RPS6KA2: variants seen among roughly 807,000 people sequenced by gnomAD.
The protein encoded by RPS6KA2 is ribosomal protein S6 kinase A2.
In RPS6KA2, 42 loss-of-function variants were observed where a neutral mutation model predicts 91.8. The ratio of observed to expected loss-of-function variants is 0.46; its 90% CI spans 0.36 to 0.59. RPS6KA2 has a LOEUF of 0.59. Ranked by LOEUF, RPS6KA2 falls within the 20% of genes least tolerant of loss-of-function variation. The pLI is 0.00. For missense variants in RPS6KA2, 798 were observed against 978.5 expected, an observed-to-expected ratio of 0.82 and a Z score of 2.46; for synonymous variants, 414 against 393.6, an observed-to-expected ratio of 1.05 and a Z score of -0.61.
chr6:166,517,637 G>A lies in RPS6KA2; in HGVS notation c.299-7280C>T, dbSNP rs954312116. ...ACTACAGGCGCCCGCCACCGCGCCC[G>A]GCTAATTTTTTGTATTTTTAGTAGA... On this transcript the variant is annotated intron_variant, in intron 3 of 20. Coordinates refer to ENST00000265678, the MANE Select transcript of RPS6KA2 (RefSeq NM_021135.6). Among the ~76,000 whole-genome samples the A allele has an allele frequency of 4.5e-4, 68 of 151,262 alleles. 1 individual carries two copies. Among genetic ancestry groups the A allele is most frequent in the Middle Eastern group, 3.4e-3 (1 of 294 alleles).
At chr6:166,527,215 C>T (rs1316269675) in intron 3 of RPS6KA2, among the ~76,000 whole-genome samples, 1 of 152,226 alleles carries the variant, frequency 6.6e-6, no homozygotes, top group African/African-American at 2.4e-5. Context: ...CAGATTCCAG[C>T]TGCATTCCCA....
Position 166,490,699 on chromosome 6 carries a change from T to C in RPS6KA2, c.790A>G (p.Arg264Gly). The change falls in exon 9 of 21, where the codon AGG (arginine) becomes GGG (glycine). Residue 264 changes from arginine to glycine, a missense_variant. Physicochemically the swap from Arg to Gly is moderately radical, Grantham distance 125. Transcript: ENST00000265678. The surrounding 1 kb of genome is among the most constrained non-coding windows in gnomAD (Gnocchi z 4.2). Reference sequence around the variant, plus strand: ...AGGATGAGAGCCATGGTCTCCTTCCTGTCCTTCCCCTGGAACGGCAGGGAC... The same window carrying C: ...AGGATGAGAGCCATGGTCTCCTTCCCGTCCTTCCCCTGGAACGGCAGGGAC... ...TGSLPFQGKD[R>G]KETMALILKA... The C allele has an allele frequency of 6.2e-7, 1 of 1,612,832 alleles. No homozygotes were observed. The highest frequency in any genetic ancestry group is 8.5e-7 in the Non-Finnish European group (1 of 1,179,392).
intron 2 of RPS6KA2, among the ~76,000 whole-genome samples, chr6:166,697,218 T>TA (rs5881713): frequency 2.0e-5 from 3 of 151,706 alleles, no homozygotes; most frequent in Admixed American, 6.6e-5. Flanking sequence ...AAGGTAAAGT[T>TA]AAAAAAAAGA....
At chr6:166,855,445 GA>G (rs879574577) in intron 2 of RPS6KA2, among the ~76,000 whole-genome samples, 3,168 of 89,142 alleles carry the variant, frequency 0.036, 239 homozygotes, top group East Asian at 0.32. Flanking sequence ...AGAGGAAGAA[GA>G]AGAGGAAGAA....
Position 166,736,385 on chromosome 6 carries a change from A to T in RPS6KA2, c.123+121815T>A, listed in dbSNP as rs143261094. ...CGTAACTGTGTGTTGCCTGAAGACTATTCTCAGGTGATTTTCACATTAACC... is the reference window on the plus strand; with the variant it reads ...CGTAACTGTGTGTTGCCTGAAGACTTTTCTCAGGTGATTTTCACATTAACC... On this transcript the variant is annotated intron_variant, in intron 2 of 21. Transcript: ENST00000503859. Among the ~76,000 whole-genome samples the T allele has an allele frequency of 8.5e-5, 13 of 152,280 alleles. No homozygotes were observed. In the East Asian group the frequency reaches 2.5e-3, roughly 29 times the overall value.
At chr6:166,749,294 T>C (rs1242761463) in intron 2 of RPS6KA2, among the ~76,000 whole-genome samples, 5 of 1,204 alleles carry the variant, frequency 4.2e-3, no homozygotes, top group African/African-American at 0.011. Flanking sequence ...CAGGCCCCCA[T>C]CTCCTCAGGC....
intron 2 of RPS6KA2, among the ~76,000 whole-genome samples, chr6:166,655,269 A>C (rs986180049): frequency 6.6e-6 from 1 of 152,234 alleles, no homozygotes; most frequent in Non-Finnish European, 1.5e-5. Flanking sequence ...TACAAGGTAC[A>C]TCAGTAGTTT....
intron 2 of RPS6KA2, among the ~76,000 whole-genome samples, chr6:166,736,536 G>A (rs557338695): frequency 6.6e-6 from 1 of 152,238 alleles, no homozygotes; most frequent in African/African-American, 2.4e-5. Flanking sequence ...CAAACTCAAT[G>A]GAAGGTCACA....
chr6:166,836,506 T>C (rs1289700324), intron 2 of RPS6KA2, among the ~76,000 whole-genome samples: 1 of 152,154 alleles, frequency 6.6e-6, no homozygotes. Context: ...TCCACTTCTG[T>C]GCCCAATGTA....
intron 2 of RPS6KA2, among the ~76,000 whole-genome samples, chr6:166,775,541 G>A (rs1778592178): frequency 6.6e-6 from 1 of 152,216 alleles, no homozygotes; most frequent in African/African-American, 2.4e-5. Flanking sequence ...CAGGGTCCAC[G>A]TTGTAGGAAG....
chr6:166,759,444 C>T (rs1198504424), intron 2 of RPS6KA2, among the ~76,000 whole-genome samples: 1 of 152,214 alleles, frequency 6.6e-6, no homozygotes, highest in African/African-American at 2.4e-5. Flanking sequence ...TCCAAAATTT[C>T]TCAATTACCT....
intron 2 of RPS6KA2, among the ~76,000 whole-genome samples, chr6:166,674,369 C>T (rs1788560972): frequency 6.6e-6 from 1 of 152,154 alleles, no homozygotes; most frequent in Non-Finnish European, 1.5e-5. Flanking sequence ...TGTTAGAGGC[C>T]TGTGGTGTCC....
At chr6:166,678,161 C>T (rs1215565437) in intron 2 of RPS6KA2, among the ~76,000 whole-genome samples, 1 of 152,194 alleles carries the variant, frequency 6.6e-6, no homozygotes, top group Non-Finnish European at 1.5e-5. Context: ...AGTTGTGCAA[C>T]CAGCACCAAT....
rs374160168 is a variant in RPS6KA2 at position 166,495,086 on chromosome 6, C to T, written c.747+3422G>A. On this transcript the variant is annotated intron_variant, in intron 8 of 20. Transcript: ENST00000265678. This position sits in a 1 kb window ranked among gnomAD's most constrained non-coding sequence, Gnocchi z 4.4. ...TGCAGCCAGTCACCACGTGGGCGGG[C>T]GGCACTAAATGAGAATGTGTTTCTG... 4.6e-5 allele frequency among the ~76,000 whole-genome samples: 7 copies of T among 152,210 alleles called. No homozygotes were observed. The highest frequency in any genetic ancestry group is 7.3e-5 in the Non-Finnish European group (5 of 68,040).
intron 3 of RPS6KA2, among the ~76,000 whole-genome samples, chr6:166,514,890 T>G (rs759521752): frequency 1.3e-5 from 2 of 152,066 alleles, no homozygotes; most frequent in African/African-American, 2.4e-5. Context: ...AGGAGAGAAG[T>G]CAGGTGGTGG....
chr6:166,415,899 A>G (rs1778481445), intron 19 of RPS6KA2, among the ~76,000 whole-genome samples: 1 of 146,652 alleles, frequency 6.8e-6, no homozygotes, highest in African/African-American at 2.5e-5. Context: ...CACCTCCACA[A>G]TCATCCTCAC....
intron 1 of RPS6KA2, among the ~76,000 whole-genome samples, chr6:166,560,644 G>A (rs1784315715): frequency 6.6e-6 from 1 of 152,140 alleles, no homozygotes; most frequent in African/African-American, 2.4e-5. Context: ...GAAATGGGGT[G>A]GTCGCGAAAC....
Position 166,577,815 on chromosome 6 carries a change from C to T in RPS6KA2, c.100-39031G>A, listed in dbSNP as rs143858518. Among the ~76,000 whole-genome samples, 641 of 152,152 alleles carry T rather than the reference C, an allele frequency of 4.2e-3. 4 individuals carry two copies. Among genetic ancestry groups the T allele is most frequent in the Admixed American group, 5.2e-3 (79 of 15,284 alleles). On this transcript the variant is annotated intron_variant, in intron 1 of 20. Coordinates refer to ENST00000265678, the MANE Select transcript of RPS6KA2 (RefSeq NM_021135.6). ...GACATGAAATTTGGAGGGGCCTGGG[C>T]GGAATGATATAGTTTGGTTCTGCAT...
At chr6:166,834,201 G>A (rs538254215) in intron 2 of RPS6KA2, among the ~76,000 whole-genome samples, 1 of 152,278 alleles carries the variant, frequency 6.6e-6, no homozygotes, top group African/African-American at 2.4e-5. Flanking sequence ...AGCACTTGAT[G>A]CTGTCAGACT....
Sources: allele counts gnomAD v4.1 joint callset (sites outside exome capture counted in the v4.1 genomes callset), GRCh38; gene constraint gnomAD v4.1.1; non-coding constraint Gnocchi (gnomAD v3.1); transcripts MANE v1.5; gene names NCBI Gene and HGNC (gene_info 2026-07-23, HGNC 2026-07-21).